The following HARS1 variants were observed in gnomAD, a reference collection of about 807,000 sequenced individuals.
HARS1 encodes the protein histidyl-tRNA synthetase 1.
HARS1 carries 45 observed loss-of-function variants against 63.6 expected under a neutral mutation model. The observed-to-expected ratio is 0.71, with a 90% CI of 0.56 to 0.91. The LOEUF (loss-of-function observed/expected upper bound fraction) is 0.91. Ranked by LOEUF, HARS1 falls within the 40% of genes least tolerant of loss-of-function variation. The pLI is 0.00. For synonymous variants in HARS1, 205 were observed against 247.1 expected, an observed-to-expected ratio of 0.83 and a Z score of 1.60; for missense variants, 508 against 643.2, an observed-to-expected ratio of 0.79 and a Z score of 2.27.
At position 140,677,924 on chromosome 5, in the gene HARS1, C is replaced by T. The variant is rs147288996; in HGVS notation, c.614G>A (p.Gly205Asp). ...AGCTCTGACCTTGACCAGGAAGTCG[C>T]CTATCTGAAGTGAACTCAGGATCTC... ...MCEILSSLQI[G>D]DFLVKVNDRR... Residue 205 changes from glycine to aspartate, a missense_variant, in exon 6 of 13, where the codon GGC becomes GAC. Physicochemically the swap from Gly to Asp is moderately conservative, Grantham distance 94. Around this residue, in one of 2 missense-constraint regions of HARS1, gnomAD observed 403 missense variants for 548.7 expected, o/e 0.73. Transcript: ENST00000504156. 3,586 of 1,607,964 alleles carry T rather than the reference C, an allele frequency of 2.2e-3. 15 individuals are homozygous for T. Among genetic ancestry groups the T allele is most frequent in the Middle Eastern group, 0.01 (61 of 6,050 alleles).
At chr5:140,687,845 G>T (rs543989463) in intron 2 of HARS1, 1 of 152,250 alleles carries the variant, frequency 6.6e-6, no homozygotes, top group Non-Finnish European at 1.5e-5. Flanking sequence ...GCTCACGCCT[G>T]TAATCCCAGC....
intron 3 of HARS1, among the ~76,000 whole-genome samples, chr5:140,681,952 A>G (rs950591332): frequency 1.3e-5 from 2 of 152,264 alleles, no homozygotes; most frequent in Admixed American, 1.3e-4. Flanking sequence ...AGGAAACAAC[A>G]GATAATTTCA....
chr5:140,676,493 C>A lies in HARS1; in HGVS notation c.1194+161G>T. Reference sequence around the variant, plus strand: ...ATGGATTAAAGATCCATAAAACTTACATATAATGGGGTAGAAATCTGTGAA... The same window carrying A: ...ATGGATTAAAGATCCATAAAACTTAAATATAATGGGGTAGAAATCTGTGAA... On this transcript the variant is annotated intron_variant, in intron 10 of 12. Transcript: ENST00000504156. The surrounding 1 kb of genome is among the most constrained non-coding windows in gnomAD (Gnocchi z 4.1). 1 of 758,662 alleles carries A rather than the reference C, an allele frequency of 1.3e-6. No individual in the cohort carries two copies. Among genetic ancestry groups the A allele is most frequent in the Admixed American group, 2.3e-5 (1 of 42,682 alleles). 47.0% of individuals were successfully genotyped at this position (758,662 alleles called of 1,614,324 possible).
chr5:140,683,296 G>T lies in HARS1; in HGVS notation c.181-77C>A, dbSNP rs1758831691. The T allele has an allele frequency of 6.2e-6, 9 of 1,460,604 alleles. No homozygotes were observed. The South Asian group carries it at 8.4e-5, about 14-fold the overall frequency. The allele number at this position is 1,460,604 out of a possible 1,614,324, so 90.5% of individuals were successfully genotyped here. On this transcript the variant is annotated intron_variant, in intron 2 of 12. Coordinates refer to ENST00000504156, the MANE Select transcript of HARS1 (RefSeq NM_002109.6). ...ACAATATGTTTTGGAAATATAAAAG[G>T]ATGACCTCAATAATGAAAAAGCAAA...
intron 2 of HARS1, among the ~76,000 whole-genome samples, chr5:140,689,437 TTTA>T (rs1319692576): frequency 2.1e-5 from 3 of 143,680 alleles, no homozygotes; most frequent in South Asian, 2.3e-4. Flanking sequence ...ATTTGAAATT[TTTA>T]TTGTTAGATT....
At position 140,675,103 on chromosome 5, in the gene HARS1, T is replaced by A; in HGVS notation, c.1225A>T (p.Thr409Ser). 6.2e-7 allele frequency: 1 copy of A among 1,612,620 alleles called. No homozygotes were observed. Among genetic ancestry groups the A allele is most frequent in the Non-Finnish European group, 8.5e-7 (1 of 1,178,746 alleles). The change falls in exon 11 of 13, where the codon ACA (threonine) becomes TCA (serine). Residue 409 changes from threonine (T) to serine (S), a missense_variant. Physicochemically the swap from Thr to Ser is moderately conservative, Grantham distance 58 (BLOSUM62 1). Transcript: ENST00000504156. ...ALEEKIRTTE[T>S]QVLVASAQKK... Reference sequence around the variant, plus strand: ...TGTGCAGATGCCACAAGCACCTGTGTCTCCGTGGTCCGTATCTTCTCCTCC... The same window carrying A: ...TGTGCAGATGCCACAAGCACCTGTGACTCCGTGGTCCGTATCTTCTCCTCC...
Position 140,674,903 on chromosome 5 carries a change from G to A in HARS1, c.1312-78C>T, listed in dbSNP as rs1758269901. 7.8e-6 allele frequency: 12 copies of A among 1,534,196 alleles called. 1 individual carries two copies. The highest frequency in any genetic ancestry group is 3.4e-5 in the South Asian group (3 of 89,270). ...CAGAGGGTGTCCAAGCTGGCACCCT[G>A]TTCTTAGCTCTACTTTTGAGAAGTA... On this transcript the variant is annotated intron_variant, in intron 11 of 12. Coordinates refer to ENST00000504156, the MANE Select transcript of HARS1 (RefSeq NM_002109.6).
chr5:140,674,363 T>C, intron 12 of HARS1, 35 bp from the exon 13 acceptor site: 9 of 1,393,142 alleles, frequency 6.5e-6, no homozygotes, highest in Non-Finnish European at 9.2e-6. Context: ...GGTATAAGCA[T>C]CTTCCATTCC....
At chr5:140,681,854 T>C (rs1758749796) in intron 3 of HARS1, among the ~76,000 whole-genome samples, 1 of 152,202 alleles carries the variant, frequency 6.6e-6, no homozygotes, top group Admixed American at 6.5e-5. Flanking sequence ...GGTACTTTGT[T>C]ATGGTAGCCC....
chr5:140,688,990 G>T (rs1037509534), intron 2 of HARS1, among the ~76,000 whole-genome samples: 1 of 152,180 alleles, frequency 6.6e-6, no homozygotes, highest in Non-Finnish European at 1.5e-5. Context: ...TGTTAAAACT[G>T]ATCACTAGTG....
At chr5:140,688,719 G>T (rs1250358532) in intron 2 of HARS1, among the ~76,000 whole-genome samples, 2 of 150,992 alleles carry the variant, frequency 1.3e-5, no homozygotes, top group Non-Finnish European at 2.9e-5. Flanking sequence ...TTTTAAAAAG[G>T]TCATTTATTA....
intron 12 of HARS1, 59 bp downstream of exon 12, chr5:140,674,619 TG>T (rs1758245213): frequency 1.3e-6 from 2 of 1,585,444 alleles, no homozygotes; most frequent in Non-Finnish European, 1.7e-6. Flanking sequence ...TGAATGGGCA[TG>T]GGCCTGCCAA....
intron 2 of HARS1, 51 bp downstream of exon 2, chr5:140,690,804 G>T: frequency 9.9e-7 from 1 of 1,014,578 alleles, no homozygotes. Flanking sequence ...TAAGCGCCCC[G>T]TGAGTAGAGT....
In HARS1 at chr5:140,691,310, C is replaced by G. The variant is rs1331794645; in HGVS notation, c.-6G>C. ...AGCGCCGCACGCTCTGCCATCCCGG[C>G]TGTCCACTTGAGCCGCCTGCTGTCT... is the stretch of plus-strand genomic sequence containing the variant. On this transcript the variant is annotated 5_prime_UTR_variant, in exon 1 of 13. Transcript: ENST00000504156. The G allele has an allele frequency of 8.1e-6, 13 of 1,601,164 alleles. No individual in the cohort carries two copies. Among genetic ancestry groups the G allele is most frequent in the Admixed American group, 3.4e-5 (2 of 59,238 alleles).
intron 3 of HARS1, 122 bp from the exon 4 acceptor site, chr5:140,680,005 C>T (rs1758624579): frequency 7.3e-6 from 4 of 544,324 alleles, no homozygotes; most frequent in Non-Finnish European, 1.3e-5. Flanking sequence ...TATCCCAATT[C>T]TTAGGTGTCT....
At position 140,676,330 on chromosome 5, in the gene HARS1, A is replaced by C. The variant is rs1472959132; in HGVS notation, c.1194+324T>G. 7.0e-6 allele frequency: 2 copies of C among 283,742 alleles called. No homozygotes were observed. The highest frequency in any genetic ancestry group is 4.8e-5 in the Admixed American group (1 of 20,628). The allele number at this position is 283,742 out of a possible 1,614,324, so 17.6% of individuals were successfully genotyped here. Reference sequence around the variant, plus strand: ...ATAATGCATGAAAAGCACCAAGCACAGTGCCTGGCACAAGGCAGTAAAATG... The same window carrying C: ...ATAATGCATGAAAAGCACCAAGCACCGTGCCTGGCACAAGGCAGTAAAATG... On this transcript the variant is annotated intron_variant, in intron 10 of 12. Transcript: ENST00000504156. The surrounding 1 kb of genome is among the most constrained non-coding windows in gnomAD (Gnocchi z 4.1).
In HARS1 at chr5:140,674,073, C is replaced by T; in HGVS notation, c.*184G>A. The T allele has an allele frequency of 4.5e-6, 3 of 670,400 alleles. No individual in the cohort carries two copies. Among genetic ancestry groups the T allele is most frequent in the Non-Finnish European group, 8.2e-6 (3 of 366,128 alleles). The allele number at this position is 670,400 out of a possible 1,614,324, so 41.5% of individuals were successfully genotyped here. A position where few individuals can be genotyped will look rare whatever the true frequency, so the allele number is the denominator to read the frequency against. The stretch of plus-strand genomic sequence containing the variant: ...GCCTTGTATGAAAAAGGTGTTGTAC[C>T]TGGCCGTTTTTGCCAGTAATAATCA... On this transcript the variant is annotated 3_prime_UTR_variant, in exon 13 of 13. Coordinates refer to ENST00000504156, the MANE Select transcript of HARS1 (RefSeq NM_002109.6).
At chr5:140,690,973 TC>T in intron 1 of HARS1, 29 bp from the exon 2 acceptor site, 1 of 1,304,946 alleles carries the variant, frequency 7.7e-7, no homozygotes, top group Non-Finnish European at 1.1e-6. Flanking sequence ...CGCTGAGCTA[TC>T]CATCTGTCAC....
At chr5:140,674,957 T>C in intron 11 of HARS1, 60 bp downstream of exon 11, 2 of 1,480,278 alleles carry the variant, frequency 1.4e-6, no homozygotes, top group Non-Finnish European at 1.9e-6. Context: ...GGTGAGCTTT[T>C]ATTCAGTTTG....
Sources: gnomAD v4.1 joint callset for allele counts (sites outside exome capture counted in the v4.1 genomes callset) on GRCh38, gnomAD v4.1.1 for gene constraint, gnomAD v4.1.1 regional missense constraint, Gnocchi (gnomAD v3.1) non-coding constraint, MANE v1.5 for transcripts, NCBI Gene and HGNC (gene_info 2026-07-23, HGNC 2026-07-21) for gene names.